Variants in STK10 observed in about 807,000 individuals in gnomAD.
STK10 encodes the protein serine/threonine-protein kinase 10.
Under a neutral mutation model 113.8 loss-of-function variants are expected in STK10, and 78 were observed. The ratio of observed to expected loss-of-function variants is 0.69; its 90% CI spans 0.57 to 0.83. The LOEUF is 0.83. Ranked by LOEUF, STK10 falls within the 40% of genes least tolerant of loss-of-function variation. The pLI, the probability that STK10 is intolerant of heterozygous loss-of-function variation, is 0.00. For missense variants in STK10, 1,109 were observed against 1,280.1 expected (o/e 0.87, Z 2.04); for synonymous variants, 465 against 494.7 (o/e 0.94, Z 0.80).
chr5:172,121,030 T>C (rs1769499640), intron 3 of STK10, among the ~76,000 whole-genome samples: 1 of 146,786 alleles, frequency 6.8e-6, no homozygotes, highest in South Asian at 2.1e-4. Context: ...TGGGTTTCTT[T>C]CCTTTTTTTT....
chr5:172,149,874 C>T (rs1329295275), intron 2 of STK10, among the ~76,000 whole-genome samples: 5 of 151,488 alleles, frequency 3.3e-5, no homozygotes, highest in Non-Finnish European at 7.4e-5. Context: ...GGTGAAACCT[C>T]GTCTCTACTA....
chr5:172,056,975 G>A (rs1290271543), intron 15 of STK10: 1 of 97,040 alleles, frequency 1.0e-5, no homozygotes, highest in Non-Finnish European at 2.0e-5. Flanking sequence ...AAGAAAGAAA[G>A]AAAGAAAGAA....
chr5:172,137,724 CAAAAAAA>C (rs34773105), intron 2 of STK10, among the ~76,000 whole-genome samples: 6 of 91,036 alleles, frequency 6.6e-5, no homozygotes, highest in Non-Finnish European at 1.1e-4. Context: ...ACTAAAAATA[CAAAAAAA>C]AAAAAAAAAA....
At chr5:172,168,339 C>T (rs936271646) in intron 1 of STK10, among the ~76,000 whole-genome samples, 9 of 152,184 alleles carry the variant, frequency 5.9e-5, no homozygotes, top group South Asian at 2.1e-4. Flanking sequence ...GAGAAAACCA[C>T]GGTCACAGCA....
chr5:172,154,692 G>A (rs953513698), intron 2 of STK10, among the ~76,000 whole-genome samples: 6 of 152,218 alleles, frequency 3.9e-5, no homozygotes, highest in African/African-American at 9.6e-5. Flanking sequence ...AAAGTCTAGC[G>A]TATTTATTTA....
intron 3 of STK10, among the ~76,000 whole-genome samples, chr5:172,123,618 A>G (rs1409191431): frequency 6.6e-6 from 1 of 152,148 alleles, no homozygotes; most frequent in Non-Finnish European, 1.5e-5. Context: ...ACATATGGCT[A>G]CCCAGCTAGA....
At chr5:172,173,075 CA>C (rs1391025402) in intron 1 of STK10, among the ~76,000 whole-genome samples, 1 of 152,172 alleles carries the variant, frequency 6.6e-6, no homozygotes, top group Non-Finnish European at 1.5e-5. Flanking sequence ...GATGGTCCTG[CA>C]GCCAGACCAG....
chr5:172,116,586 A>AGCC (rs1306016261), intron 4 of STK10, among the ~76,000 whole-genome samples: 1 of 151,818 alleles, frequency 6.6e-6, no homozygotes, highest in African/African-American at 2.4e-5. Flanking sequence ...GAAGGTTTTG[A>AGCC]GCCGGGCGGG....
chr5:172,163,171 G>A (rs143176748), intron 1 of STK10, among the ~76,000 whole-genome samples: 1 of 152,202 alleles, frequency 6.6e-6, no homozygotes, highest in Admixed American at 6.5e-5. Context: ...TGTGTTCCAG[G>A]ACAGGACTTA....
At chr5:172,137,521 G>A (rs1769887737) in intron 2 of STK10, among the ~76,000 whole-genome samples, 1 of 151,984 alleles carries the variant, frequency 6.6e-6, no homozygotes, top group Admixed American at 6.6e-5. Context: ...ACCACTTCAT[G>A]AGAAATACTC....
In STK10 at chr5:172,082,222, C is replaced by T. The variant is rs934781390; in HGVS notation, c.1989+104G>A. Reference sequence around the variant, plus strand: ...CTCACCTGCTCCCGAGCTCTTCAGCCGTACCCCTCTGCTGCCAAGGTGAGG... The same window carrying T: ...CTCACCTGCTCCCGAGCTCTTCAGCTGTACCCCTCTGCTGCCAAGGTGAGG... On this transcript the variant is annotated intron_variant, in intron 12 of 18. Coordinates refer to ENST00000176763, the MANE Select transcript of STK10 (RefSeq NM_005990.4). The surrounding 1 kb of genome is among the most constrained non-coding windows in gnomAD (Gnocchi z 4.3). 5.3e-6 allele frequency: 7 copies of T among 1,329,720 alleles called. No individual in the cohort carries two copies. Among genetic ancestry groups the T allele is most frequent in the South Asian group, 3.3e-5 (2 of 59,748 alleles). 82.4% of individuals were successfully genotyped at this position (1,329,720 alleles called of 1,614,324 possible).
chr5:172,165,591 C>A (rs1042678432), intron 1 of STK10, among the ~76,000 whole-genome samples: 2 of 150,794 alleles, frequency 1.3e-5, no homozygotes, highest in Non-Finnish European at 2.9e-5. Flanking sequence ...CTCCCTCGCT[C>A]TGAGTCCAAG....
chr5:172,060,280 G>A (rs1324420254), intron 14 of STK10, among the ~76,000 whole-genome samples: 2 of 152,148 alleles, frequency 1.3e-5, no homozygotes, highest in Non-Finnish European at 2.9e-5. Flanking sequence ...GGTAGCACGT[G>A]CCTGTAGTCC....
chr5:172,149,984 T>A (rs1399470199), intron 2 of STK10, among the ~76,000 whole-genome samples: 1 of 141,834 alleles, frequency 7.1e-6, no homozygotes, highest in African/African-American at 2.7e-5. Flanking sequence ...GAGGCAGAGG[T>A]TGCAGGGAGC....
intron 1 of STK10, among the ~76,000 whole-genome samples, chr5:172,176,556 T>C (rs961629865): frequency 3.3e-5 from 5 of 152,168 alleles, no homozygotes; most frequent in Non-Finnish European, 5.9e-5. Flanking sequence ...GAATCCTGGC[T>C]CTGGCACCCT....
chr5:172,165,110 G>A (rs1186724895), intron 1 of STK10, among the ~76,000 whole-genome samples: 2 of 152,180 alleles, frequency 1.3e-5, no homozygotes, highest in Non-Finnish European at 2.9e-5. Flanking sequence ...GGGGCTGGGG[G>A]CTTCCTGAGA....
At chr5:172,151,346 CTT>C (rs1214755611) in intron 2 of STK10, among the ~76,000 whole-genome samples, 5 of 145,328 alleles carry the variant, frequency 3.4e-5, no homozygotes, top group Admixed American at 6.9e-5. Flanking sequence ...TTTTCTTTTT[CTT>C]TTTTTTTTTT....
At chr5:172,068,921 AACAAAATTGAGAAAGTATC>A (rs1187544920) in intron 12 of STK10, among the ~76,000 whole-genome samples, 4 of 152,012 alleles carry the variant, frequency 2.6e-5, no homozygotes, top group Non-Finnish European at 5.9e-5. Context: ...TGACAATTAT[AACAAAATTGAGAAAGTATC>A]AAGAAATTTA....
At chr5:172,077,587 A>C (rs1435501153) in intron 12 of STK10, among the ~76,000 whole-genome samples, 2 of 152,230 alleles carry the variant, frequency 1.3e-5, no homozygotes, top group East Asian at 3.8e-4. Flanking sequence ...AAATTACTTG[A>C]AATTGACATG....
Sources: allele counts gnomAD v4.1 joint callset (sites outside exome capture counted in the v4.1 genomes callset), GRCh38; gene constraint gnomAD v4.1.1; non-coding constraint Gnocchi (gnomAD v3.1); transcripts MANE v1.5; gene names NCBI Gene and HGNC (gene_info 2026-07-23, HGNC 2026-07-21).